The following LRRTM4 variants were observed in gnomAD, a reference collection of about 807,000 sequenced individuals.
LRRTM4 encodes leucine rich repeat transmembrane neuronal 4.
LRRTM4 carries 25 observed loss-of-function variants against 47.6 expected under a neutral mutation model. The observed-to-expected ratio is 0.53, with a 90% CI of 0.38 to 0.73. The LOEUF is 0.73. Among genes scored for constraint, LRRTM4 ranks in the 30% least tolerant of loss-of-function variants. The pLI is 0.00. For missense variants in LRRTM4, 638 were observed against 713.4 expected (o/e 0.89, Z 1.20); for synonymous variants, 311 against 269.5 (o/e 1.15, Z -1.51).
chr2:77,295,458 C>T (rs989507873), intron 3 of LRRTM4, among the ~76,000 whole-genome samples: 2 of 152,148 alleles, frequency 1.3e-5, no homozygotes, highest in Non-Finnish European at 2.9e-5. Flanking sequence ...AGCAAGTCCA[C>T]GCAAATTCCT....
At chr2:77,189,495 C>G (rs1261798234) in intron 3 of LRRTM4, among the ~76,000 whole-genome samples, 1 of 152,038 alleles carries the variant, frequency 6.6e-6, no homozygotes, top group Non-Finnish European at 1.5e-5. Context: ...AAGGATGGAG[C>G]CCTTATGAGT....
chr2:77,157,327 A>T (rs2103798911), intron 3 of LRRTM4, among the ~76,000 whole-genome samples: 1 of 152,260 alleles, frequency 6.6e-6, no homozygotes, highest in South Asian at 2.1e-4. Context: ...GGTGTCAAAA[A>T]CTGGGCAAAG....
intron 3 of LRRTM4, among the ~76,000 whole-genome samples, chr2:77,131,111 G>A (rs1026942121): frequency 4.0e-5 from 6 of 149,318 alleles, no homozygotes; most frequent in South Asian, 2.1e-4. Flanking sequence ...TGGGATTACA[G>A]GCGTCAGCCA....
chr2:77,116,398 A>G (rs1671390363), intron 3 of LRRTM4, among the ~76,000 whole-genome samples: 1 of 152,196 alleles, frequency 6.6e-6, no homozygotes, highest in South Asian at 2.1e-4. Context: ...TTGTATGTAG[A>G]GAAACATATA....
intron 3 of LRRTM4, among the ~76,000 whole-genome samples, chr2:77,116,954 T>TAC (rs1291104049): frequency 1.3e-5 from 2 of 151,778 alleles, no homozygotes; most frequent in East Asian, 1.9e-4. Context: ...CACAGACATA[T>TAC]ACACACACAC....
chr2:77,182,948 G>T (rs537880900), intron 3 of LRRTM4, among the ~76,000 whole-genome samples: 2 of 152,284 alleles, frequency 1.3e-5, no homozygotes, highest in South Asian at 4.1e-4. Context: ...ATGGATTAAA[G>T]ACTTACATGT....
intron 3 of LRRTM4, among the ~76,000 whole-genome samples, chr2:77,161,603 T>C (rs1315808462): frequency 1.3e-5 from 2 of 152,152 alleles, no homozygotes; most frequent in African/African-American, 4.8e-5. Flanking sequence ...GTGAGTTTTT[T>C]CAAATTGTTG....
chr2:77,417,062 C>A lies in LRRTM4; in HGVS notation c.1551+101256G>T, dbSNP rs369509327. Among the ~76,000 whole-genome samples, 54 of 151,834 alleles carry A rather than the reference C, an allele frequency of 3.6e-4. No homozygotes were observed. In the East Asian group the frequency reaches 5.6e-3, roughly 16 times the overall value. On this transcript the variant is annotated intron_variant, in intron 3 of 3. Coordinates refer to ENST00000409884, the MANE Select transcript of LRRTM4 (RefSeq NM_001134745.3). ...AAATTTACAAGAAAAAAACAAACAA[C>A]CCCATCGAAAAGTGGGCAAAGGATA...
chr2:76,858,388 T>C (rs1278444170), intron 3 of LRRTM4, among the ~76,000 whole-genome samples: 1 of 152,212 alleles, frequency 6.6e-6, no homozygotes, highest in African/African-American at 2.4e-5. Flanking sequence ...TTAGCTCTTC[T>C]TGGCTGCAGC....
chr2:76,866,971 A>T (rs1365331979), intron 3 of LRRTM4, among the ~76,000 whole-genome samples: 1 of 152,190 alleles, frequency 6.6e-6, no homozygotes, highest in African/African-American at 2.4e-5. Context: ...ACACAGGAAC[A>T]GAAAACCAAA....
intron 3 of LRRTM4, among the ~76,000 whole-genome samples, chr2:76,848,382 T>G (rs1671896570): frequency 6.6e-6 from 1 of 152,110 alleles, no homozygotes; most frequent in African/African-American, 2.4e-5. Context: ...TCTTATTTTT[T>G]TGCATTAATT....
intron 3 of LRRTM4, among the ~76,000 whole-genome samples, chr2:77,082,158 G>A (rs985668654): frequency 6.6e-6 from 1 of 152,032 alleles, no homozygotes; most frequent in African/African-American, 2.4e-5. Flanking sequence ...CTACTTTTCT[G>A]TCCTAATTTC....
intron 3 of LRRTM4, among the ~76,000 whole-genome samples, chr2:76,819,146 T>A (rs1332549000): frequency 6.6e-6 from 1 of 151,866 alleles, no homozygotes; most frequent in Non-Finnish European, 1.5e-5. Context: ...AATCTATCCC[T>A]GTATAATTAG....
intron 3 of LRRTM4, among the ~76,000 whole-genome samples, chr2:76,823,391 G>T (rs976905606): frequency 6.6e-6 from 1 of 151,320 alleles, no homozygotes; most frequent in Non-Finnish European, 1.5e-5. Flanking sequence ...ACAAACCTTT[G>T]TTACTCATTA....
chr2:77,097,616 A>T (rs925494248), intron 3 of LRRTM4, among the ~76,000 whole-genome samples: 1 of 149,588 alleles, frequency 6.7e-6, no homozygotes, highest in Non-Finnish European at 1.5e-5. Flanking sequence ...AAGAGAAGTC[A>T]TATTGGAAAT....
In LRRTM4 at chr2:77,482,453, C is replaced by CACAT. The variant is rs139508756; in HGVS notation, c.1551+35864_1551+35865insATGT. ...GAAATATTTTTTAAACACACACACA[C>CACAT]ACACACAGAGACCTGTGATTAATTT... On this transcript the variant is annotated intron_variant, in intron 3 of 3. Transcript: ENST00000409884. 3.3e-3 allele frequency among the ~76,000 whole-genome samples: 507 copies of CACAT among 151,656 alleles called. 1 individual carries two copies. The highest frequency in any genetic ancestry group is 5.3e-3 in the Non-Finnish European group (359 of 67,816).
chr2:77,392,263 C>A lies in LRRTM4; in HGVS notation c.1551+126055G>T, dbSNP rs1673532918. ...TTGCCAATAAGAAAATCTTTAAATACACCTATGACCTGGAAGCCCTGCCCC... is the reference window on the plus strand; with the variant it reads ...TTGCCAATAAGAAAATCTTTAAATAAACCTATGACCTGGAAGCCCTGCCCC... On this transcript the variant is annotated intron_variant, in intron 3 of 3. Coordinates refer to ENST00000409884, the MANE Select transcript of LRRTM4 (RefSeq NM_001134745.3). Among the ~76,000 whole-genome samples, 4 of 151,918 alleles carry A rather than the reference C, an allele frequency of 2.6e-5. No individual in the cohort carries two copies. The South Asian group carries it at 8.3e-4, about 31-fold the overall frequency.
At chr2:76,884,259 A>G (rs970551595) in intron 3 of LRRTM4, among the ~76,000 whole-genome samples, 1 of 152,218 alleles carries the variant, frequency 6.6e-6, no homozygotes, top group African/African-American at 2.4e-5. Context: ...TTAGGGAAGA[A>G]GAAAGAGTCT....
At chr2:76,954,538 C>A (rs181670224) in intron 3 of LRRTM4, among the ~76,000 whole-genome samples, 1 of 151,434 alleles carries the variant, frequency 6.6e-6, no homozygotes, top group African/African-American at 2.4e-5. Flanking sequence ...GGGATGAAAG[C>A]CAAAGGATCT....
Sources: gnomAD v4.1 joint callset for allele counts (sites outside exome capture counted in the v4.1 genomes callset) on GRCh38, gnomAD v4.1.1 for gene constraint, MANE v1.5 for transcripts, NCBI Gene and HGNC (gene_info 2026-07-23, HGNC 2026-07-21) for gene names.